PHF24: variants seen among roughly 807,000 people sequenced by gnomAD.
PHF24 encodes PHD finger protein 24, also known as Galpha inhibitory interacting protein.
In PHF24, 25 loss-of-function variants were observed where a neutral mutation model predicts 42.6. That is an observed-to-expected ratio of 0.59 (90% confidence interval 0.43 to 0.82). The LOEUF is 0.82. PHF24 is among the 40% of genes least tolerant of loss of function. The pLI is 0.00. For missense variants in PHF24, 470 were observed against 538.1 expected (o/e 0.87, Z 1.25); for synonymous variants, 185 against 204.8 (o/e 0.90, Z 0.83).
At chr9:34,853,016 G>C in the PHF24 span, among the ~76,000 whole-genome samples, 1 of 152,170 alleles carries the variant, frequency 6.6e-6, no homozygotes, top group Non-Finnish European at 1.5e-5. Flanking sequence ...TGAATGGTGA[G>C]AGAGGGCATC....
chr9:34,729,530 A>G, the PHF24 span: 1 of 1,291,732 alleles, frequency 7.7e-7, no homozygotes. Flanking sequence ...TGTCCACCTC[A>G]CAGAGGACGG....
At chr9:34,921,024 C>T in the PHF24 span, among the ~76,000 whole-genome samples, 9 of 152,206 alleles carry the variant, frequency 5.9e-5, no homozygotes, top group Admixed American at 5.9e-4. Context: ...AATTTCAGTA[C>T]TGTGTTGAAT....
At chr9:34,778,880 C>T in the PHF24 span, among the ~76,000 whole-genome samples, 2 of 152,028 alleles carry the variant, frequency 1.3e-5, no homozygotes. Context: ...AAAAAAGTCT[C>T]AATAAATTAA....
chr9:34,690,923 T>TA, the PHF24 span, among the ~76,000 whole-genome samples: 2 of 152,122 alleles, frequency 1.3e-5, no homozygotes, highest in Non-Finnish European at 2.9e-5. Flanking sequence ...CACCCACACT[T>TA]ACAGGCACAC....
At chr9:34,961,405 A>C (rs1826584557) in intron 1 of PHF24, among the ~76,000 whole-genome samples, 1 of 152,164 alleles carries the variant, frequency 6.6e-6, no homozygotes, top group Admixed American at 6.5e-5. Context: ...TTCCATTAGC[A>C]CATCCCCCTC....
At chr9:34,768,697 G>T in the PHF24 span, among the ~76,000 whole-genome samples, 1 of 152,108 alleles carries the variant, frequency 6.6e-6, no homozygotes, top group Non-Finnish European at 1.5e-5. Flanking sequence ...TTCTGGCCCC[G>T]CTACCTGCTT....
At chr9:34,809,933 G>C in the PHF24 span, among the ~76,000 whole-genome samples, 75,674 of 151,060 alleles carry the variant, frequency 0.5, 20,317 homozygotes, top group Non-Finnish European at 0.6. The surrounding 1 kb of genome is among the most constrained non-coding windows in gnomAD (Gnocchi z 4.1). Context: ...CTCGGGGCGC[G>C]GGGGCGCGGG....
the PHF24 span, among the ~76,000 whole-genome samples, chr9:34,935,074 G>A: frequency 8.5e-5 from 13 of 152,164 alleles, no homozygotes; most frequent in Admixed American, 2.0e-4. Flanking sequence ...CATGACACAG[G>A]CAGAAAACTA....
the PHF24 span, among the ~76,000 whole-genome samples, chr9:34,750,678 TAAAATC>T: frequency 6.6e-6 from 1 of 151,908 alleles, no homozygotes; most frequent in South Asian, 2.1e-4. Flanking sequence ...CATAGTAACT[TAAAATC>T]AGAAAAACAT....
the PHF24 span, among the ~76,000 whole-genome samples, chr9:34,924,774 A>G: frequency 2.0e-5 from 3 of 152,028 alleles, no homozygotes; most frequent in Non-Finnish European, 4.4e-5. Flanking sequence ...TTTACATTCA[A>G]TGTTGTTATT....
the PHF24 span, among the ~76,000 whole-genome samples, chr9:34,915,422 T>A: frequency 6.6e-6 from 1 of 150,858 alleles, no homozygotes; most frequent in African/African-American, 2.4e-5. Context: ...TTTTTTTTCA[T>A]CCTTGAATGA....
Position 34,976,242 on chromosome 9 carries a change from T to C in PHF24, c.643+12T>C. On this transcript the variant is annotated intron_variant, in intron 4 of 7. Transcript: ENST00000242315. ...TAAAGTCATCCCTGGTAAGGTTGGG[T>C]GGTGCTGCATGGATGGAGAGGGGCC... 1 of 1,607,068 alleles carries C rather than the reference T, an allele frequency of 6.2e-7. No homozygotes were observed. Among genetic ancestry groups the C allele is most frequent in the Non-Finnish European group, 8.5e-7 (1 of 1,173,694 alleles).
At chr9:34,693,650 G>A in the PHF24 span, among the ~76,000 whole-genome samples, 1 of 152,190 alleles carries the variant, frequency 6.6e-6, no homozygotes, top group South Asian at 2.1e-4. Context: ...CTCATCACAG[G>A]AGTCTCAGGA....
chr9:34,740,185 C>T, the PHF24 span, among the ~76,000 whole-genome samples: 1,655 of 152,358 alleles, frequency 0.011, 31 homozygotes, highest in African/African-American at 0.036. Flanking sequence ...CAGTGGATTC[C>T]GCACCGGGGC....
the PHF24 span, among the ~76,000 whole-genome samples, chr9:34,836,315 G>A: frequency 6.6e-6 from 1 of 152,202 alleles, no homozygotes; most frequent in Non-Finnish European, 1.5e-5. Context: ...GCTGAGTTCT[G>A]TGTTGGCCTT....
At position 34,977,567 on chromosome 9, in the gene PHF24, C is replaced by T. The variant is rs373303298; in HGVS notation, c.1032C>T (p.Ile344=). ...GCAGCATCAGCCATGTGGGTCCCAT[C>T]GCAGATAGCAGCCCAGCCAGCAGCA... is the stretch of plus-strand genomic sequence containing the variant. Residue 344 remains isoleucine, a synonymous_variant, in exon 7 of 8, where the codon ATC becomes ATT. Transcript: ENST00000242315. The T allele has an allele frequency of 4.7e-5, 76 of 1,609,200 alleles. No homozygotes were observed. The African/African-American group carries it at 7.2e-4, about 15-fold the overall frequency.
At chr9:34,924,814 T>C in the PHF24 span, among the ~76,000 whole-genome samples, 1 of 152,196 alleles carries the variant, frequency 6.6e-6, no homozygotes, top group Non-Finnish European at 1.5e-5. Context: ...CATTTTGTTA[T>C]TTGTTTTCTG....
chr9:34,878,310 A>G, the PHF24 span, among the ~76,000 whole-genome samples: 1 of 152,158 alleles, frequency 6.6e-6, no homozygotes, highest in South Asian at 2.1e-4. Context: ...AGTGACACAG[A>G]AGACAGGTGA....
the PHF24 span, chr9:34,838,265 G>A: frequency 1.5e-6 from 1 of 660,492 alleles, no homozygotes. Context: ...GAGGGGAAGT[G>A]GGGTCAATAA....
Sources: allele counts gnomAD v4.1 joint callset (sites outside exome capture counted in the v4.1 genomes callset), GRCh38; gene constraint gnomAD v4.1.1; non-coding constraint Gnocchi (gnomAD v3.1); transcripts MANE v1.5; gene names NCBI Gene and HGNC (gene_info 2026-07-23, HGNC 2026-07-21).